Variants in MLIP observed in about 807,000 individuals in gnomAD.
MLIP encodes the protein muscular LMNA-interacting protein.
A neutral mutation model predicts 84.8 loss-of-function variants in MLIP; 79 were observed. That is an observed-to-expected ratio of 0.93 (90% CI 0.78 to 1.12). MLIP has a LOEUF of 1.12. Among genes scored for constraint, MLIP ranks in the 50% most tolerant of loss-of-function variants. The pLI is 0.00. For missense variants in MLIP, 1,257 were observed against 1,160.6 expected, an observed-to-expected ratio of 1.08 and a Z score of -1.21; for synonymous variants, 504 against 463.0, an observed-to-expected ratio of 1.09 and a Z score of -1.14.
In MLIP at chr6:54,138,198, C is replaced by T; in HGVS notation, c.2129C>T (p.Ser710Leu). The change falls in exon 4 of 14, where the codon TCA (serine) becomes TTA (leucine). Residue 710 changes from serine to leucine, a missense_variant. Ser to Leu is a moderately radical substitution (Grantham distance 145). Transcript: ENST00000502396. ...PNHRSPVSTP[S>L]LPISLTRTEE... Reference sequence around the variant, plus strand: ...CACAGGTCACCTGTTTCAACCCCATCACTTCCCATATCTCTAACAAGGACA... The same window carrying T: ...CACAGGTCACCTGTTTCAACCCCATTACTTCCCATATCTCTAACAAGGACA... 6.5e-7 allele frequency: 1 copy of T among 1,536,158 alleles called. No individual in the cohort carries two copies. Among genetic ancestry groups the T allele is most frequent in the South Asian group, 1.2e-5 (1 of 84,058 alleles).
intron 12 of MLIP, among the ~76,000 whole-genome samples, chr6:54,250,128 A>G (rs1782366422): frequency 6.6e-6 from 1 of 152,124 alleles, no homozygotes; most frequent in South Asian, 2.1e-4. Context: ...ATCACTGATC[A>G]TTAGAGAAAT....
At chr6:54,210,996 TG>T (rs1407139146) in intron 11 of MLIP, among the ~76,000 whole-genome samples, 1 of 152,116 alleles carries the variant, frequency 6.6e-6, no homozygotes, top group African/African-American at 2.4e-5. Context: ...CCCAGCACTT[TG>T]GGAGGCTGAG....
intron 11 of MLIP, chr6:54,216,293 A>G (rs961931812): frequency 3.0e-6 from 3 of 985,228 alleles, no homozygotes; most frequent in Non-Finnish European, 3.6e-6. Flanking sequence ...GTAGAAGCCT[A>G]TTTTCTATGT....
chr6:54,163,342 A>G (rs569229838), intron 8 of MLIP, among the ~76,000 whole-genome samples: 1 of 151,898 alleles, frequency 6.6e-6, no homozygotes, highest in East Asian at 2.0e-4. Flanking sequence ...TTTACCAGGG[A>G]CTTTAAGCCA....
At chr6:54,170,441 C>T (rs960594698) in intron 9 of MLIP, among the ~76,000 whole-genome samples, 5 of 151,568 alleles carry the variant, frequency 3.3e-5, no homozygotes, top group Non-Finnish European at 7.4e-5. Flanking sequence ...TAAATTTTAT[C>T]ACATCCAGAA....
At chr6:54,190,546 A>G (rs909262012) in intron 10 of MLIP, among the ~76,000 whole-genome samples, 60 of 152,152 alleles carry the variant, frequency 3.9e-4, no homozygotes, top group African/African-American at 1.4e-3. Context: ...TTTTTTTGGG[A>G]AAAGTCTTTG....
chr6:54,225,361 T>C (rs1226450069), intron 11 of MLIP, among the ~76,000 whole-genome samples: 1 of 152,042 alleles, frequency 6.6e-6, no homozygotes. Flanking sequence ...TGTCACACAG[T>C]GGTAAGTATT....
At chr6:54,091,857 T>C (rs191226787) in intron 1 of MLIP, among the ~76,000 whole-genome samples, 1 of 152,312 alleles carries the variant, frequency 6.6e-6, no homozygotes, top group Non-Finnish European at 1.5e-5. Context: ...ACTGTCTCAC[T>C]TTTTTGTAAT....
chr6:54,219,416 A>G (rs569056565), intron 11 of MLIP, among the ~76,000 whole-genome samples: 11 of 127,128 alleles, frequency 8.7e-5, no homozygotes, highest in African/African-American at 3.3e-4. Flanking sequence ...AAGTTAGCCT[A>G]GGCAGGGTCA....
chr6:54,220,682 G>GAAATATACAGAATATAAATATAAATAT lies in MLIP; in HGVS notation c.2719-10020_2719-10019insTATAAATATAAATATAAATATACAGAA, dbSNP rs576851818. 7.9e-3 allele frequency among the ~76,000 whole-genome samples: 1,204 copies of GAAATATACAGAATATAAATATAAATAT among 152,174 alleles called. 11 individuals carry two copies. The highest frequency in any genetic ancestry group is 0.013 in the Non-Finnish European group (860 of 67,958). On this transcript the variant is annotated intron_variant, in intron 11 of 13. Coordinates refer to ENST00000502396, the MANE Select transcript of MLIP (RefSeq NM_001281747.2). ...TTTATAACATTTGTTTTCTAAATAT[G>GAAATATACAGAATATAAATATAAATAT]AAATATACAGAAAGTGACATTTGAA...
intron 10 of MLIP, among the ~76,000 whole-genome samples, chr6:54,199,804 G>A (rs556453551): frequency 2.6e-5 from 4 of 152,170 alleles, no homozygotes; most frequent in African/African-American, 7.2e-5. Context: ...TAAGGTTGTT[G>A]GAGCAAAGAA....
In MLIP at chr6:54,149,054, A is replaced by G. The variant is rs1419277194; in HGVS notation, c.2218-2A>G. On this transcript the variant is annotated splice_acceptor_variant, in intron 4 of 13. Coordinates refer to ENST00000502396, the MANE Select transcript of MLIP (RefSeq NM_001281747.2). LOFTEE classifies it high-confidence loss of function. ...CTCTTGCTTTCTGGTTGCCCATTCTAGCAATACAAGACCAAGTCAAGCTAC... is the reference window on the plus strand; with the variant it reads ...CTCTTGCTTTCTGGTTGCCCATTCTGGCAATACAAGACCAAGTCAAGCTAC... 6.2e-7 allele frequency: 1 copy of G among 1,612,326 alleles called. No individual in the cohort carries two copies. The highest frequency in any genetic ancestry group is 8.5e-7 in the Non-Finnish European group (1 of 1,178,924).
At chr6:54,179,372 T>C (rs1776621964) in intron 9 of MLIP, among the ~76,000 whole-genome samples, 1 of 152,166 alleles carries the variant, frequency 6.6e-6, no homozygotes, top group African/African-American at 2.4e-5. Context: ...GACTTTTGAT[T>C]GGACAGCTTA....
At chr6:54,254,858 T>C (rs1005360382) in intron 12 of MLIP, among the ~76,000 whole-genome samples, 1 of 148,782 alleles carries the variant, frequency 6.7e-6, no homozygotes, top group Non-Finnish European at 1.5e-5. Flanking sequence ...CATATTTCGA[T>C]ATTTTGCACA....
At chr6:54,032,013 T>C (rs563542157) in intron 1 of MLIP, among the ~76,000 whole-genome samples, 1 of 152,258 alleles carries the variant, frequency 6.6e-6, no homozygotes, top group African/African-American at 2.4e-5. Flanking sequence ...TCCCGTCACT[T>C]AGCCAAAGTG....
intron 1 of MLIP, among the ~76,000 whole-genome samples, chr6:54,056,338 C>G (rs1478077929): frequency 2.0e-5 from 3 of 152,138 alleles, no homozygotes; most frequent in Non-Finnish European, 4.4e-5. Flanking sequence ...GAGGCTTGAA[C>G]GTGAAAGGTC....
chr6:54,109,860 C>G (rs145278644), upstream of MLIP, among the ~76,000 whole-genome samples: 1 of 151,940 alleles, frequency 6.6e-6, no homozygotes, highest in African/African-American at 2.4e-5. Flanking sequence ...TTTATGTGTG[C>G]AGTAGTTTAA....
chr6:54,167,058 T>A (rs1344287607), intron 8 of MLIP, among the ~76,000 whole-genome samples: 1 of 151,938 alleles, frequency 6.6e-6, no homozygotes, highest in East Asian at 1.9e-4. Flanking sequence ...ACTATGATTA[T>A]GCCATGGCTT....
At chr6:54,144,802 C>T (rs1772634815) in intron 4 of MLIP, among the ~76,000 whole-genome samples, 1 of 152,148 alleles carries the variant, frequency 6.6e-6, no homozygotes, top group Non-Finnish European at 1.5e-5. Flanking sequence ...ACTTTGTGAC[C>T]TCATGGATCT....
Sources: allele counts gnomAD v4.1 joint callset (sites outside exome capture counted in the v4.1 genomes callset), GRCh38; gene constraint gnomAD v4.1.1; transcripts MANE v1.5; gene names NCBI Gene and HGNC (gene_info 2026-07-23, HGNC 2026-07-21).